Variants in FBLN7 observed in about 807,000 individuals in gnomAD.
FBLN7 encodes the protein fibulin 7.
A neutral mutation model predicts 44.0 loss-of-function variants in FBLN7; 31 were observed. The ratio of observed to expected loss-of-function variants is 0.70; its 90% CI spans 0.53 to 0.95. The LOEUF is 0.95. Ranked by LOEUF, FBLN7 falls within the 40% of genes least tolerant of loss-of-function variation. FBLN7 has a pLI of 0.00. For synonymous variants in FBLN7, 262 were observed against 253.4 expected (o/e 1.03, Z -0.32); for missense variants, 573 against 618.5 (o/e 0.93, Z 0.78).
intron 4 of FBLN7, chr2:112,176,724 A>C (rs992446546): frequency 1.2e-4 from 19 of 152,184 alleles, no homozygotes; most frequent in African/African-American, 4.6e-4. Context: ...TGTCCTCCCG[A>C]GCTCAGAGGC....
At chr2:112,147,664 G>A (rs903282988) in intron 1 of FBLN7, among the ~76,000 whole-genome samples, 21 of 152,170 alleles carry the variant, frequency 1.4e-4, no homozygotes, top group African/African-American at 4.1e-4. Context: ...GGCTTTGGGA[G>A]AGAGTCTCTC....
At position 112,183,747 on chromosome 2, in the gene FBLN7, T is replaced by C. The variant is rs1200086779; in HGVS notation, c.808+819T>C. Reference sequence around the variant, plus strand: ...AGCAGTGGTTTCCTGGAGGGCCGGGTTGAGGTTTCTGAGGCTGATTCCTGG... The same window carrying C: ...AGCAGTGGTTTCCTGGAGGGCCGGGCTGAGGTTTCTGAGGCTGATTCCTGG... On this transcript the variant is annotated intron_variant, in intron 6 of 7. Coordinates refer to ENST00000331203, the MANE Select transcript of FBLN7 (RefSeq NM_153214.3). 2.0e-5 allele frequency among the ~76,000 whole-genome samples: 3 copies of C among 152,114 alleles called. No individual in the cohort carries two copies. In the South Asian group the frequency reaches 6.2e-4, roughly 32 times the overall value.
the FBLN7 span, among the ~76,000 whole-genome samples, chr2:112,241,516 T>C: frequency 2.0e-5 from 3 of 152,212 alleles, no homozygotes; most frequent in African/African-American, 7.2e-5. Context: ...TGAACTTGAA[T>C]GAGAAGAAAA....
At chr2:112,211,233 T>TA in the FBLN7 span, among the ~76,000 whole-genome samples, 1 of 152,230 alleles carries the variant, frequency 6.6e-6, no homozygotes, top group African/African-American at 2.4e-5. Context: ...CACATTTTTT[T>TA]AGAGTCAAAA....
At chr2:112,163,536 A>G (rs79646316) in intron 2 of FBLN7, among the ~76,000 whole-genome samples, 1 of 152,368 alleles carries the variant, frequency 6.6e-6, no homozygotes, top group South Asian at 2.1e-4. Context: ...TGTTGCAAAA[A>G]GAAGAGGAAC....
intron 1 of FBLN7, among the ~76,000 whole-genome samples, chr2:112,141,577 C>T (rs566390901): frequency 6.6e-6 from 1 of 152,322 alleles, no homozygotes; most frequent in African/African-American, 2.4e-5. Flanking sequence ...GCTAAACCCA[C>T]CCAACAGAGC....
the FBLN7 span, among the ~76,000 whole-genome samples, chr2:112,218,712 G>A: frequency 3.0e-4 from 45 of 152,042 alleles, no homozygotes; most frequent in Non-Finnish European, 5.9e-4. Flanking sequence ...TGTGTTAATC[G>A]ACTGTTTATG....
At chr2:112,142,264 G>A (rs978646562) in intron 1 of FBLN7, among the ~76,000 whole-genome samples, 2 of 152,112 alleles carry the variant, frequency 1.3e-5, no homozygotes, top group African/African-American at 2.4e-5. Context: ...AGGCCTTCCA[G>A]AACTCTCTCT....
downstream of FBLN7, among the ~76,000 whole-genome samples, chr2:112,193,051 A>G (rs1023406290): frequency 1.3e-5 from 2 of 152,228 alleles, no homozygotes; most frequent in African/African-American, 4.8e-5. Flanking sequence ...TATGTGTAAT[A>G]TATGTAATTA....
chr2:112,219,282 T>G, the FBLN7 span, among the ~76,000 whole-genome samples: 5,124 of 152,170 alleles, frequency 0.034, 461 homozygotes, highest in East Asian at 0.32. Context: ...AAATAAACCC[T>G]CACGTCTATG....
At chr2:112,238,377 A>G in the FBLN7 span, 1 of 1,613,502 alleles carries the variant, frequency 6.2e-7, no homozygotes, top group Non-Finnish European at 8.5e-7. Context: ...AGCATTTGCC[A>G]TTTCTCTGGC....
At chr2:112,161,646 A>G (rs1484612335) in intron 2 of FBLN7, among the ~76,000 whole-genome samples, 2 of 152,212 alleles carry the variant, frequency 1.3e-5, no homozygotes, top group Non-Finnish European at 2.9e-5. Context: ...GGAATGTTAT[A>G]CAATTCCCCT....
intron 1 of FBLN7, among the ~76,000 whole-genome samples, chr2:112,144,649 C>T (rs532748000): frequency 3.3e-5 from 5 of 151,768 alleles, no homozygotes; most frequent in Admixed American, 6.6e-5. Flanking sequence ...CTCAGCCTTC[C>T]GTGAGTAGCT....
chr2:112,141,621 A>T (rs1181627552), intron 1 of FBLN7, among the ~76,000 whole-genome samples: 1 of 152,208 alleles, frequency 6.6e-6, no homozygotes, highest in Non-Finnish European at 1.5e-5. Flanking sequence ...CAGGTTACAG[A>T]ACAAAGTAAA....
chr2:112,231,954 CAA>C, the FBLN7 span: 1 of 1,459,480 alleles, frequency 6.9e-7, no homozygotes, highest in Admixed American at 1.8e-5. Flanking sequence ...TCATGTAACC[CAA>C]GTGTTAAGGA....
intron 1 of FBLN7, among the ~76,000 whole-genome samples, chr2:112,139,901 T>G (rs1247934745): frequency 6.8e-4 from 50 of 73,596 alleles, no homozygotes; most frequent in African/African-American, 2.8e-3. Flanking sequence ...CTCCCGCCTC[T>G]CTCCCCTGTC....
chr2:112,239,579 CTTTTTTTTTT>C, the FBLN7 span, among the ~76,000 whole-genome samples: 8,999 of 86,660 alleles, frequency 0.1, 586 homozygotes, highest in East Asian at 0.38. Context: ...TAACAGTTTA[CTTTTTTTTTT>C]TTTTTTTTTT....
At chr2:112,140,560 G>C (rs1016808623) in intron 1 of FBLN7, among the ~76,000 whole-genome samples, 3 of 152,190 alleles carry the variant, frequency 2.0e-5, no homozygotes, top group African/African-American at 7.2e-5. Flanking sequence ...CGAAAGCGTC[G>C]GTCCATTGTG....
rs749049218 is a variant in FBLN7 at position 112,165,122 on chromosome 2, GGT to G, written c.362_363del (p.Cys121SerfsTer14). ...GFRLVGPSSV[V>X]CLPNGTWTGE... ...TCCGGCTGGTCGGGCCCAGCAGCGTGGTGTGTCTTCCCAATGGCACCTGGACA... is the reference window on the plus strand; with the variant it reads ...TCCGGCTGGTCGGGCCCAGCAGCGTGGTGTCTTCCCAATGGCACCTGGACA... On this transcript the variant is annotated frameshift_variant, in exon 3 of 8. Transcript: ENST00000331203. LOFTEE classifies it high-confidence loss of function. The G allele has an allele frequency of 1.9e-6, 3 of 1,614,172 alleles. No individual in the cohort carries two copies. The highest frequency in any genetic ancestry group is 1.7e-5 in the Admixed American group (1 of 60,026).
Sources: allele counts gnomAD v4.1 joint callset (sites outside exome capture counted in the v4.1 genomes callset), GRCh38; gene constraint gnomAD v4.1.1; transcripts MANE v1.5; gene names NCBI Gene and HGNC (gene_info 2026-07-23, HGNC 2026-07-21).